Variants in MYH13 observed in about 807,000 individuals in gnomAD.
MYH13 encodes myosin-13.
A neutral mutation model predicts 232.1 loss-of-function variants in MYH13; 177 were observed. That is an observed-to-expected ratio of 0.76 (90% CI 0.67 to 0.86). The LOEUF (loss-of-function observed/expected upper bound fraction) is 0.86. Among genes scored for constraint, MYH13 ranks in the 40% least tolerant of loss-of-function variants. The probability of loss-of-function intolerance (pLI) is 0.00; values close to 1 mark genes in which losing one functional copy is unlikely to be tolerated. For synonymous variants in MYH13, 884 were observed against 923.5 expected (o/e 0.96, Z 0.78); for missense variants, 2,246 against 2,405.9 (o/e 0.93, Z 1.39).
intron 2 of MYH13, among the ~76,000 whole-genome samples, chr17:10,370,256 G>A (rs553390032): frequency 2.0e-4 from 30 of 152,218 alleles, no homozygotes; most frequent in Non-Finnish European, 4.3e-4. Flanking sequence ...TCCTCTCCGT[G>A]CATGCAGTTG....
Position 10,359,965 on chromosome 17 carries a change from T to C in MYH13, c.640A>G (p.Met214Val), listed in dbSNP as rs765170513. ...ATGCAGGTGGGGCTGCTCACCTGCA[T>C]TTTGCCTGGCTGTGTCTCCTTCTTC... ...DKKKETQPGKMQGTLEDQIIQ... is the reference protein window; with the variant it reads ...DKKKETQPGKVQGTLEDQIIQ... The change falls in exon 7 of 41, where the codon ATG becomes GTG. Residue 214 changes from methionine (M) to valine (V), a missense_variant. Physicochemically the swap from Met to Val is conservative, Grantham distance 21 (BLOSUM62 1). Coordinates refer to ENST00000252172, the MANE Select transcript of MYH13 (RefSeq NM_003802.3). The C allele has an allele frequency of 2.5e-6, 4 of 1,613,144 alleles. No individual in the cohort carries two copies. The highest frequency in any genetic ancestry group is 3.4e-6 in the Non-Finnish European group (4 of 1,179,676).
rs767261025 is a variant in MYH13 at position 10,351,657 on chromosome 17, G to A, written c.1006-963C>T. Among the ~76,000 whole-genome samples the A allele has an allele frequency of 2.0e-5, 3 of 152,298 alleles. 1 individual carries two copies. The highest frequency in any genetic ancestry group is 6.8e-3 in the Middle Eastern group (2 of 292). On this transcript the variant is annotated intron_variant, in intron 11 of 40. Transcript: ENST00000252172. ...TAGTTGGTAAGTAGCCTGTCATACA[G>A]GGAGGGTGTGATAAGACTGGGACTG...
chr17:10,324,645 C>G (rs539646063), intron 22 of MYH13, among the ~76,000 whole-genome samples: 2 of 151,302 alleles, frequency 1.3e-5, no homozygotes, highest in African/African-American at 4.9e-5. Flanking sequence ...GGGATTTCAC[C>G]ATGTTGGCCA....
intron 15 of MYH13, among the ~76,000 whole-genome samples, chr17:10,344,544 G>C (rs1326376678): frequency 1.3e-5 from 2 of 151,976 alleles, no homozygotes; most frequent in African/African-American, 4.8e-5. Context: ...TCGGCCGGGC[G>C]TGGTGGTTCA....
chr17:10,330,546 C>T (rs765967412), intron 20 of MYH13, 23 bp from the exon 21 acceptor site: 1 of 1,590,630 alleles, frequency 6.3e-7, no homozygotes, highest in South Asian at 1.1e-5. Context: ...ACAGAGGAGC[C>T]TTGATCTTTT....
At chr17:10,357,958 T>C (rs2071761649) in intron 7 of MYH13, 131 bp from the exon 8 acceptor site, 2 of 704,268 alleles carry the variant, frequency 2.8e-6, no homozygotes. Flanking sequence ...TGGTGGTCAG[T>C]GCAGCACCCA....
chr17:10,310,670 G>T (rs189285021), intron 33 of MYH13, among the ~76,000 whole-genome samples: 2 of 152,178 alleles, frequency 1.3e-5, no homozygotes, highest in East Asian at 3.9e-4. Context: ...TCCTGTGTCG[G>T]TTCGTATTTC....
intron 29 of MYH13, among the ~76,000 whole-genome samples, chr17:10,313,896 C>T (rs900162901): frequency 1.6e-4 from 24 of 152,174 alleles, no homozygotes; most frequent in Non-Finnish European, 1.5e-5. Flanking sequence ...GGCTATGTCC[C>T]CACACTGGGG....
chr17:10,343,358 C>T (rs1008996277), intron 16 of MYH13, among the ~76,000 whole-genome samples: 4 of 151,978 alleles, frequency 2.6e-5, no homozygotes, highest in Admixed American at 1.3e-4. Context: ...CCACCACACT[C>T]GGCTAATTTT....
chr17:10,345,928 G>A lies in MYH13; in HGVS notation c.1264-312C>T, dbSNP rs1159869615. 1.5e-4 allele frequency among the ~76,000 whole-genome samples: 22 copies of A among 145,640 alleles called. No individual in the cohort carries two copies. The Admixed American group carries it at 1.5e-3, about 10-fold the overall frequency. On this transcript the variant is annotated intron_variant, in intron 13 of 40. Coordinates refer to ENST00000252172, the MANE Select transcript of MYH13 (RefSeq NM_003802.3). Reference sequence around the variant, plus strand: ...GAATCACTTGAACTTGGGAGGTGGAGGTTGCAGTGAGCCAAGATCGTGCCA... The same window carrying A: ...GAATCACTTGAACTTGGGAGGTGGAAGTTGCAGTGAGCCAAGATCGTGCCA...
chr17:10,329,828 AAAAC>A (rs1353353101), intron 21 of MYH13, among the ~76,000 whole-genome samples: 64 of 152,192 alleles, frequency 4.2e-4, no homozygotes, highest in African/African-American at 1.4e-3. Flanking sequence ...AAAACAAAAC[AAAAC>A]AAACAAACAA....
In MYH13 at chr17:10,328,141, CAAAT is replaced by C; in HGVS notation, c.2436-24_2436-21del. ...GAGTCCCTGTACACCCATTAGGACT[CAAAT>C]TAATAAATCCAGCAAGGTCTGGTCT... is the stretch of plus-strand genomic sequence containing the variant. On this transcript the variant is annotated intron_variant, in intron 21 of 40. Coordinates refer to ENST00000252172, the MANE Select transcript of MYH13 (RefSeq NM_003802.3). 6.2e-7 allele frequency: 1 copy of C among 1,608,662 alleles called. No individual in the cohort carries two copies.
rs185231497 is a variant in MYH13, at chr17:10,338,434, A to G, written c.2056+1716T>C. ...AAGATGCAGTTTCACTAACTATAAC[A>G]CACCTGGCTATTGGGGATTTAAAGT... On this transcript the variant is annotated intron_variant, in intron 18 of 40. Coordinates refer to ENST00000252172, the MANE Select transcript of MYH13 (RefSeq NM_003802.3). 7.2e-5 allele frequency among the ~76,000 whole-genome samples: 11 copies of G among 152,094 alleles called. No homozygotes were observed. In the East Asian group the frequency reaches 1.9e-3, roughly 27 times the overall value.
At chr17:10,367,080 C>T (rs1001968149) in intron 2 of MYH13, among the ~76,000 whole-genome samples, 25 of 152,322 alleles carry the variant, frequency 1.6e-4, no homozygotes, top group African/African-American at 5.8e-4. Flanking sequence ...AAGAATTCAT[C>T]CACATGGCTT....
rs765930279 is a variant in MYH13, at chr17:10,332,114, C to T, written c.2283G>A (p.Arg761=). ...NSIDVDREQF[R]FGNTKVFFKA... Reference sequence around the variant, plus strand: ...CTGTGCTCACCTTGGTGTTGCCGAACCTGAACTGCTCCCGGTCCACATCGA... The same window carrying T: ...CTGTGCTCACCTTGGTGTTGCCGAATCTGAACTGCTCCCGGTCCACATCGA... The change falls in exon 20 of 41, where the codon AGG becomes AGA. Residue 761 remains arginine, a synonymous_variant. Coordinates refer to ENST00000252172, the MANE Select transcript of MYH13 (RefSeq NM_003802.3). The T allele has an allele frequency of 3.1e-6, 5 of 1,613,952 alleles. No individual in the cohort carries two copies. The South Asian group carries it at 5.5e-5, about 18-fold the overall frequency.
chr17:10,328,194 C>T (rs967565044), intron 21 of MYH13, 73 bp from the exon 22 acceptor site: 47 of 1,531,882 alleles, frequency 3.1e-5, no homozygotes, highest in South Asian at 3.6e-5. Context: ...CTGTCCCCGA[C>T]GGACCCCATC....
Position 10,364,484 on chromosome 17 carries a change from TA to T in MYH13, c.46del (p.Tyr16ThrfsTer25), listed in dbSNP as rs750471453. ...TCTCTCCTTCTCTGGTTTCCGGAGG[TA>T]GGGAGCTGCTTCTCCAAAAATGGCC... ...EMAIFGEAAP[Y>X]LRKPEKERIE... On this transcript the variant is annotated frameshift_variant, in exon 3 of 41. Coordinates refer to ENST00000252172, the MANE Select transcript of MYH13 (RefSeq NM_003802.3). LOFTEE classifies it high-confidence loss of function. 3.0e-5 allele frequency: 48 copies of T among 1,609,954 alleles called. No homozygotes were observed. The highest frequency in any genetic ancestry group is 3.8e-5 in the Non-Finnish European group (45 of 1,178,104).
At chr17:10,355,975 C>T (rs577275299) in intron 8 of MYH13, among the ~76,000 whole-genome samples, 1 of 151,438 alleles carries the variant, frequency 6.6e-6, no homozygotes, top group Admixed American at 6.6e-5. Flanking sequence ...TCAGGCCTGG[C>T]TCCCTGGCTG....
chr17:10,334,086 G>A (rs1907505212), intron 18 of MYH13, among the ~76,000 whole-genome samples: 1 of 152,122 alleles, frequency 6.6e-6, no homozygotes, highest in Non-Finnish European at 1.5e-5. Context: ...GGGTGCTCGT[G>A]GTAACCAGCC....
Sources: allele counts gnomAD v4.1 joint callset (sites outside exome capture counted in the v4.1 genomes callset), GRCh38; gene constraint gnomAD v4.1.1; transcripts MANE v1.5; gene names NCBI Gene and HGNC (gene_info 2026-07-23, HGNC 2026-07-21).